AKAP11: variants seen among roughly 807,000 people sequenced by gnomAD.
AKAP11 encodes the protein A-kinase anchoring protein 11, also known as A-kinase anchor protein 11.
AKAP11 carries 36 observed loss-of-function variants against 146.1 expected under a neutral mutation model. The ratio of observed to expected loss-of-function variants is 0.25; its 90% confidence interval spans 0.19 to 0.33. AKAP11 has a LOEUF of 0.33. AKAP11 is among the 10% of genes least tolerant of loss of function. The probability of loss-of-function intolerance (pLI) is 1.00; values close to 1 mark genes in which losing one functional copy is unlikely to be tolerated. For missense variants in AKAP11, 2,201 were observed against 2,197.0 expected (o/e 1.00, Z -0.04); for synonymous variants, 780 against 786.5 (o/e 0.99, Z 0.14).
intron 1 of AKAP11, among the ~76,000 whole-genome samples, chr13:42,279,993 C>G (rs973236815): frequency 6.6e-6 from 1 of 152,214 alleles, no homozygotes; most frequent in Non-Finnish European, 1.5e-5. Context: ...TTACCTGATA[C>G]ATTACAAGGT....
rs1478849186 is a variant in AKAP11 at position 42,302,680 on chromosome 13, C to T, written c.3934C>T (p.Pro1312Ser). 6.2e-7 allele frequency: 1 copy of T among 1,613,864 alleles called. No individual in the cohort carries two copies. Among genetic ancestry groups the T allele is most frequent in the South Asian group, 1.1e-5 (1 of 91,062 alleles). ...GTTGGATATAGAGGCTGTAGTGCAC[C>T]CAAGAGAAGTGGATCCGTTTATTCT... ...EKLDIEAVVH[P>S]REVDPFILSL... Residue 1312 changes from proline (P) to serine (S), a missense_variant, in exon 8 of 13, where the codon CCA (proline) becomes TCA (serine). Coordinates refer to ENST00000025301, the MANE Select transcript of AKAP11 (RefSeq NM_016248.4).
chr13:42,310,484 T>C (rs192876192), intron 9 of AKAP11, among the ~76,000 whole-genome samples: 185 of 152,356 alleles, frequency 1.2e-3, no homozygotes, highest in African/African-American at 4.0e-3. Flanking sequence ...TTACAAGATA[T>C]GTTGCATCTG....
intron 1 of AKAP11, among the ~76,000 whole-genome samples, chr13:42,272,943 A>G (rs976214471): frequency 6.6e-6 from 1 of 151,940 alleles, no homozygotes; most frequent in South Asian, 2.1e-4. Context: ...AAAAGCTAAC[A>G]TTTTTTCTCT....
At chr13:42,307,052 A>G (rs1444885293) in intron 8 of AKAP11, among the ~76,000 whole-genome samples, 2 of 152,180 alleles carry the variant, frequency 1.3e-5, no homozygotes, top group Non-Finnish European at 2.9e-5. Flanking sequence ...AAATAACCTC[A>G]CAGTCATTAT....
At chr13:42,288,505 A>G (rs1334966310) in intron 3 of AKAP11, among the ~76,000 whole-genome samples, 1 of 152,216 alleles carries the variant, frequency 6.6e-6, no homozygotes, top group Non-Finnish European at 1.5e-5. Flanking sequence ...TCCCAGGAAT[A>G]ACAACATCTT....
chr13:42,317,679 G>A lies in AKAP11; in HGVS notation c.5556G>A (p.Glu1852=). 3.1e-6 allele frequency: 5 copies of A among 1,613,742 alleles called. No homozygotes were observed. Among genetic ancestry groups the A allele is most frequent in the Non-Finnish European group, 3.4e-6 (4 of 1,179,862 alleles). Reference sequence around the variant, plus strand: ...ATTTTCATGACTCTGCAAATAAGGAGTTTATGCTAGTAAGTACCTACCTTA... The same window carrying A: ...ATTTTCATGACTCTGCAAATAAGGAATTTATGCTAGTAAGTACCTACCTTA... The part of the protein sequence containing the change: ...ELYFHDSANK[E]FMLLSKQLQE... The change falls in exon 12 of 13, where the codon GAG becomes GAA. Residue 1852 remains glutamate, a synonymous_variant. Coordinates refer to ENST00000025301, the MANE Select transcript of AKAP11 (RefSeq NM_016248.4).
intron 10 of AKAP11, 71 bp downstream of exon 10, chr13:42,313,201 A>G: frequency 1.7e-6 from 2 of 1,205,458 alleles, no homozygotes; most frequent in Non-Finnish European, 2.4e-6. Flanking sequence ...TATTCTTCAA[A>G]GAATGTGGGT....
intron 11 of AKAP11, among the ~76,000 whole-genome samples, chr13:42,315,447 G>A (rs1017105255): frequency 1.3e-5 from 2 of 152,128 alleles, no homozygotes; most frequent in African/African-American, 4.8e-5. Flanking sequence ...TAAAAGTTAT[G>A]CCTTTTCTCA....
intron 1 of AKAP11, among the ~76,000 whole-genome samples, chr13:42,274,997 T>C (rs1358084565): frequency 6.6e-6 from 1 of 152,244 alleles, no homozygotes; most frequent in Non-Finnish European, 1.5e-5. Context: ...CCTCCCGTAA[T>C]GGTTTGAGGA....
intron 11 of AKAP11, among the ~76,000 whole-genome samples, chr13:42,316,820 G>A (rs1189154584): frequency 6.6e-6 from 1 of 152,180 alleles, no homozygotes; most frequent in Non-Finnish European, 1.5e-5. Context: ...ACAATACTTA[G>A]GATGGAATAT....
intron 4 of AKAP11, among the ~76,000 whole-genome samples, chr13:42,295,167 A>G (rs1959431977): frequency 6.6e-6 from 1 of 152,220 alleles, no homozygotes; most frequent in African/African-American, 2.4e-5. Context: ...ATGAGAAGCC[A>G]GGCATGTAAC....
intron 8 of AKAP11, among the ~76,000 whole-genome samples, chr13:42,307,870 G>C (rs1960349522): frequency 6.6e-6 from 1 of 152,204 alleles, no homozygotes; most frequent in South Asian, 2.1e-4. Context: ...AACATAAAAT[G>C]TAGTGGGACA....
chr13:42,301,128 T>A lies in AKAP11; in HGVS notation c.2382T>A (p.Ile794=). 1 of 1,614,090 alleles carries A rather than the reference T, an allele frequency of 6.2e-7. No homozygotes were observed. Among genetic ancestry groups the A allele is most frequent in the Non-Finnish European group, 8.5e-7 (1 of 1,179,970 alleles). The change falls in exon 8 of 13, where the codon ATT becomes ATA. Residue 794 remains isoleucine (I), a synonymous_variant. Transcript: ENST00000025301. The part of the protein sequence containing the change: ...LAGSALLPYH[I]SSTACQAKAH... Reference sequence around the variant, plus strand: ...GAAGTGCCCTTCTCCCATATCATATTTCATCTACTGCATGTCAGGCCAAGG... The same window carrying A: ...GAAGTGCCCTTCTCCCATATCATATATCATCTACTGCATGTCAGGCCAAGG...
chr13:42,313,171 A>T (rs2138692010), intron 10 of AKAP11, 41 bp downstream of exon 10: 1 of 1,418,760 alleles, frequency 7.0e-7, no homozygotes, highest in East Asian at 2.3e-5. Context: ...TGAGTCTGTC[A>T]CCACTAATGC....
At chr13:42,308,261 T>C (rs1960374475) in intron 8 of AKAP11, among the ~76,000 whole-genome samples, 193 bp from the exon 9 acceptor site, 1 of 152,190 alleles carries the variant, frequency 6.6e-6, no homozygotes, top group Non-Finnish European at 1.5e-5. Context: ...GTACCTCAGT[T>C]AACTTTGAAA....
At position 42,299,402 on chromosome 13, in the gene AKAP11, C is replaced by T. The variant is rs756872872; in HGVS notation, c.656C>T (p.Ala219Val). 6.2e-7 allele frequency: 1 copy of T among 1,613,746 alleles called. No individual in the cohort carries two copies. Among genetic ancestry groups the T allele is most frequent in the South Asian group, 1.1e-5 (1 of 91,054 alleles). ...ITVLRSQCDAASQTVTGHHLE... is the reference protein window; with the variant it reads ...ITVLRSQCDAVSQTVTGHHLE... ...GTGCTAAGGAGCCAGTGTGATGCTG[C>T]TTCCCAGACGGTTACTGGTCATCAT... is the stretch of plus-strand genomic sequence containing the variant. The change falls in exon 8 of 13, where the codon GCT becomes GTT. Residue 219 changes from alanine (A) to valine (V), a missense_variant. Physicochemically the swap from Ala to Val is moderately conservative, Grantham distance 64 (BLOSUM62 0). Transcript: ENST00000025301.
rs748679718 is a variant in AKAP11, at chr13:42,319,143, T to G, written c.5621T>G (p.Val1874Gly). Residue 1874 changes from valine (V) to glycine (G), a missense_variant, in exon 13 of 13, where the codon GTG (valine) becomes GGG (glycine). Val to Gly is a moderately radical substitution (Grantham distance 109). Around this residue, in one of 3 missense-constraint regions of AKAP11, gnomAD observed 1,867 missense variants for 1,833.5 expected, o/e 1.02. Transcript: ENST00000025301. ...GWKVGDLLQA[V>G]LQYYEVMEKA... ...AAAGTGGGAGACCTCCTGCAGGCTG[T>G]GCTTCAATACTATGAAGTGATGGAA... is the stretch of plus-strand genomic sequence containing the variant. 13 of 1,614,078 alleles carry G rather than the reference T, an allele frequency of 8.1e-6. No homozygotes were observed. Among genetic ancestry groups the G allele is most frequent in the Non-Finnish European group, 1.1e-5 (13 of 1,179,956 alleles).
chr13:42,309,194 A>G (rs902878733), intron 9 of AKAP11, among the ~76,000 whole-genome samples: 5 of 152,250 alleles, frequency 3.3e-5, no homozygotes, highest in Non-Finnish European at 2.9e-5. Flanking sequence ...AACTTTGTTC[A>G]TAACAGTGGT....
rs1410010452 is a variant in AKAP11, at chr13:42,322,948, T to C, written c.*3720T>C. 1 of 152,734 alleles carries C rather than the reference T, an allele frequency of 6.5e-6. No homozygotes were observed. Among genetic ancestry groups the C allele is most frequent in the Non-Finnish European group, 1.5e-5 (1 of 68,016 alleles). 9.5% of individuals were successfully genotyped at this position (152,734 alleles called of 1,614,324 possible). On this transcript the variant is annotated 3_prime_UTR_variant, in exon 13 of 13. Coordinates refer to ENST00000025301, the MANE Select transcript of AKAP11 (RefSeq NM_016248.4). ...CAGTGTTAAAAGTAATCCACTTTCT[T>C]GTTTAATATACCAGATACATAGCAA...
Sources: gnomAD v4.1 joint callset for allele counts (sites outside exome capture counted in the v4.1 genomes callset) on GRCh38, gnomAD v4.1.1 for gene constraint, gnomAD v4.1.1 regional missense constraint, MANE v1.5 for transcripts, NCBI Gene and HGNC (gene_info 2026-07-23, HGNC 2026-07-21) for gene names.